Variants in OVOL3 observed in about 807,000 individuals in gnomAD.
OVOL3 encodes the protein putative transcription factor ovo-like protein 3.
In OVOL3, 15 loss-of-function variants were observed where a neutral mutation model predicts 13.6. The observed-to-expected ratio is 1.11, with a 90% CI of 0.74 to 1.70. The LOEUF (loss-of-function observed/expected upper bound fraction) is 1.70. OVOL3 is among the 40% of genes most tolerant of loss of function. The pLI, the probability that OVOL3 is intolerant of heterozygous loss-of-function variation, is 0.00. For missense variants in OVOL3, 290 were observed against 280.6 expected (o/e 1.03, Z -0.24); for synonymous variants, 102 against 108.5 (o/e 0.94, Z 0.37).
intron 3 of OVOL3, 32 bp from the exon 4 acceptor site, chr19:36,113,421 T>G (rs1258807382): frequency 7.2e-6 from 11 of 1,521,520 alleles, no homozygotes; most frequent in Non-Finnish European, 8.8e-6. Flanking sequence ...GCCCTCTCTG[T>G]CCAGCCCTCC....
In OVOL3 at chr19:36,112,843, GC is replaced by G. The variant is rs1280883079; in HGVS notation, c.244del (p.Gln82SerfsTer4). The part of the protein sequence containing the change: ...CPLCPKAFPL[Q>X]RMLTRHLKCH... ...CGCTCTGCCCTAAGGCCTTCCCTCT[GC>G]AGCGCATGCTGACAAGGCACCTCAA... On this transcript the variant is annotated frameshift_variant, in exon 3 of 4. Transcript: ENST00000633214. LOFTEE classifies it high-confidence loss of function. The G allele has an allele frequency of 1.2e-5, 18 of 1,535,950 alleles. No individual in the cohort carries two copies. Among genetic ancestry groups the G allele is most frequent in the African/African-American group, 4.1e-5 (3 of 73,048 alleles).
rs1367670348 is a variant in OVOL3, at chr19:36,113,588, G to C, written c.500G>C (p.Cys167Ser). Reference sequence around the variant, plus strand: ...GAGCGCCGCGAGAAGCTGCACGTGTGCGAGGACTGCGGCTTCACCAGCTCC... The same window carrying C: ...GAGCGCCGCGAGAAGCTGCACGTGTCCGAGGACTGCGGCTTCACCAGCTCC... The part of the protein sequence containing the change: ...YRERREKLHV[C>S]EDCGFTSSRP... Residue 167 changes from cysteine (C) to serine (S), a missense_variant, in exon 4 of 4, where the codon TGC (cysteine) becomes TCC (serine). Cys to Ser is a moderately radical substitution (Grantham distance 112). Coordinates refer to ENST00000633214, the MANE Select transcript of OVOL3 (RefSeq NM_001302757.2). The C allele has an allele frequency of 2.6e-6, 4 of 1,539,504 alleles. No individual in the cohort carries two copies. The Admixed American group carries it at 7.8e-5, about 30-fold the overall frequency.
chr19:36,111,954 A>G lies in OVOL3; in HGVS notation c.159+521A>G, dbSNP rs949603399. ...AAATTAGTCAGCCTGTAATTCCAGC[A>G]CTTTGGGAGGCCGAGGCGGGTGAAT... is the stretch of plus-strand genomic sequence containing the variant. On this transcript the variant is annotated intron_variant, in intron 2 of 3. Transcript: ENST00000633214. 4.4e-5 allele frequency: 19 copies of G among 430,218 alleles called. No homozygotes were observed. In the Admixed American group the frequency reaches 4.5e-4, roughly 10 times the overall value. The allele number at this position is 430,218 out of a possible 1,614,324, so 26.7% of individuals were successfully genotyped here.
At chr19:36,112,704 A>C in intron 2 of OVOL3, 56 bp from the exon 3 acceptor site, 1 of 1,445,392 alleles carries the variant, frequency 6.9e-7, no homozygotes, top group Non-Finnish European at 9.3e-7. Flanking sequence ...TTTGCAGAGT[A>C]ACAAAGGGTG....
intron 3 of OVOL3, among the ~76,000 whole-genome samples, 178 bp from the exon 4 acceptor site, chr19:36,113,275 G>T (rs974978455): frequency 2.0e-5 from 3 of 152,170 alleles, no homozygotes; most frequent in Non-Finnish European, 4.4e-5. Context: ...AGACACAGGT[G>T]TCTGGCCCAT....
chr19:36,113,374 G>C, intron 3 of OVOL3, 79 bp from the exon 4 acceptor site: 1 of 1,402,258 alleles, frequency 7.1e-7, no homozygotes, highest in Non-Finnish European at 9.7e-7. Flanking sequence ...CTCAACACTG[G>C]AAAGCAGGGT....
Position 36,113,563 on chromosome 19 carries a change from G to A in OVOL3, c.475G>A (p.Glu159Lys), listed in dbSNP as rs1179849638. The change falls in exon 4 of 4, where the codon GAG becomes AAG. Residue 159 changes from glutamate to lysine, a missense_variant. Transcript: ENST00000633214. The stretch of plus-strand genomic sequence containing the variant: ...ACAGCCGGCCAGCTACGCTTACCGT[G>A]AGCGCCGCGAGAAGCTGCACGTGTG... ...HGQPASYAYR[E>K]RREKLHVCED... 2 of 1,536,920 alleles carry A rather than the reference G, an allele frequency of 1.3e-6. No homozygotes were observed. Among genetic ancestry groups the A allele is most frequent in the Non-Finnish European group, 1.7e-6 (2 of 1,146,894 alleles).
At position 36,112,777 on chromosome 19, in the gene OVOL3, C is replaced by T; in HGVS notation, c.177C>T (p.Asn59=). 3 of 1,534,504 alleles carry T rather than the reference C, an allele frequency of 2.0e-6. No homozygotes were observed. The highest frequency in any genetic ancestry group is 2.4e-5 in the East Asian group (1 of 40,902). Residue 59 remains asparagine (N), a synonymous_variant, in exon 3 of 4, where the codon AAC becomes AAT. Coordinates refer to ENST00000633214, the MANE Select transcript of OVOL3 (RefSeq NM_001302757.2). ...DPWTAQPTQG[N]LTSAPRGPGT... ...CCCTCCAGCAGCCCACACAGGGCAACCTGACCTCTGCTCCCAGGGGCCCTG... is the reference window on the plus strand; with the variant it reads ...CCCTCCAGCAGCCCACACAGGGCAATCTGACCTCTGCTCCCAGGGGCCCTG...
chr19:36,111,342 G>A (rs1973810451), intron 1 of OVOL3, 27 bp from the exon 2 acceptor site: 2 of 1,535,436 alleles, frequency 1.3e-6, no homozygotes, highest in South Asian at 1.2e-5. Context: ...GAGAGACGCA[G>A]TGTCACCATC....
intron 3 of OVOL3, 40 bp from the exon 4 acceptor site, chr19:36,113,413 C>T (rs1444526888): frequency 1.4e-5 from 21 of 1,514,226 alleles, no homozygotes; most frequent in East Asian, 2.5e-5. Flanking sequence ...AGCCCATTGC[C>T]CTCTCTGTCC....
chr19:36,113,616 G>GC lies in OVOL3; in HGVS notation c.531dup (p.Asp178ArgfsTer?). The GC allele has an allele frequency of 1.3e-6, 2 of 1,543,624 alleles. No individual in the cohort carries two copies. The highest frequency in any genetic ancestry group is 1.7e-6 in the Non-Finnish European group (2 of 1,146,902). On this transcript the variant is annotated frameshift_variant, in exon 4 of 4. Transcript: ENST00000633214. LOFTEE classifies it high-confidence loss of function. Reference sequence around the variant, plus strand: ...AGGACTGCGGCTTCACCAGCTCCCGGCCCGACACCTACGCACAGCACCGCG... The same window carrying GC: ...AGGACTGCGGCTTCACCAGCTCCCGGCCCCGACACCTACGCACAGCACCGCG...
At chr19:36,112,451 C>T (rs1973844935) in intron 2 of OVOL3, among the ~76,000 whole-genome samples, 1 of 151,824 alleles carries the variant, frequency 6.6e-6, no homozygotes, top group African/African-American at 2.4e-5. Flanking sequence ...ACCCGGGAGG[C>T]GGAGGTTGCA....
chr19:36,112,889 C>A lies in OVOL3; in HGVS notation c.289C>A (p.Arg97Ser). 1 of 1,536,170 alleles carries A rather than the reference C, an allele frequency of 6.5e-7. No homozygotes were observed. Among genetic ancestry groups the A allele is most frequent in the South Asian group, 1.2e-5 (1 of 84,060 alleles). The change falls in exon 3 of 4, where the codon CGC (arginine) becomes AGC (serine). Residue 97 changes from arginine (R) to serine (S), a missense_variant. Coordinates refer to ENST00000633214, the MANE Select transcript of OVOL3 (RefSeq NM_001302757.2). ...RHLKCHSPVR[R>S]HLCRCCGKGF... The stretch of plus-strand genomic sequence containing the variant: ...CCTCAAGTGCCACAGCCCCGTGCGC[C>A]GCCACCTGTGCCGCTGTTGTGGCAA...
intron 2 of OVOL3, among the ~76,000 whole-genome samples, chr19:36,111,976 G>A (rs1045979354): frequency 2.6e-5 from 4 of 152,172 alleles, no homozygotes; most frequent in African/African-American, 9.7e-5. Flanking sequence ...CGAGGCGGGT[G>A]AATCACTTGA....
Position 36,111,577 on chromosome 19 carries a change from T to G in OVOL3, c.159+144T>G, listed in dbSNP as rs765694029. The stretch of plus-strand genomic sequence containing the variant: ...CCTGTCCGCCCCTACTTCTCTGTGT[T>G]GGGAATGCCTCTCCTTTCCTAGTAG... On this transcript the variant is annotated intron_variant, in intron 2 of 3. Coordinates refer to ENST00000633214, the MANE Select transcript of OVOL3 (RefSeq NM_001302757.2). 1.2e-5 allele frequency: 10 copies of G among 833,996 alleles called. No homozygotes were observed. The East Asian group carries it at 1.9e-4, about 15-fold the overall frequency. 51.7% of individuals were successfully genotyped at this position (833,996 alleles called of 1,614,324 possible).
chr19:36,113,422 C>G (rs938919534), intron 3 of OVOL3, 31 bp from the exon 4 acceptor site: 3 of 1,521,362 alleles, frequency 2.0e-6, no homozygotes, highest in South Asian at 2.4e-5. Context: ...CCCTCTCTGT[C>G]CAGCCCTCCC....
rs974610767 is a variant in OVOL3 at position 36,112,972 on chromosome 19, G to A, written c.364+8G>A. 2 of 1,534,960 alleles carry A rather than the reference G, an allele frequency of 1.3e-6. No homozygotes were observed. The highest frequency in any genetic ancestry group is 1.4e-5 in the African/African-American group (1 of 73,172). ...ACATGAGGACTCACACTGGTGAGCA[G>A]TGGCAGGGACAGGGAAAAGTTGCTG... On this transcript the variant is annotated splice_region_variant and intron_variant, in intron 3 of 3. Transcript: ENST00000633214.
chr19:36,113,313 G>A, intron 3 of OVOL3, 140 bp from the exon 4 acceptor site: 3 of 874,160 alleles, frequency 3.4e-6, no homozygotes, highest in Non-Finnish European at 5.3e-6. Flanking sequence ...GTAGCAGATG[G>A]TGGGTCATGG....
In OVOL3 at chr19:36,113,571, C is replaced by T. The variant is rs1246076740; in HGVS notation, c.483C>T (p.Arg161=). 11 of 1,537,700 alleles carry T rather than the reference C, an allele frequency of 7.2e-6. No homozygotes were observed. Among genetic ancestry groups the T allele is most frequent in the Non-Finnish European group, 9.6e-6 (11 of 1,146,890 alleles). Residue 161 remains arginine (R), a synonymous_variant, in exon 4 of 4, where the codon CGC becomes CGT. Transcript: ENST00000633214. ...QPASYAYRER[R]EKLHVCEDCG... ...CCAGCTACGCTTACCGTGAGCGCCG[C>T]GAGAAGCTGCACGTGTGCGAGGACT...
Sources: allele counts gnomAD v4.1 joint callset (sites outside exome capture counted in the v4.1 genomes callset), GRCh38; gene constraint gnomAD v4.1.1; transcripts MANE v1.5; gene names NCBI Gene and HGNC (gene_info 2026-07-23, HGNC 2026-07-21).